The following GALNTL5 variants were observed in gnomAD, a reference collection of about 807,000 sequenced individuals.
GALNTL5 encodes polypeptide N-acetylgalactosaminyltransferase like 5.
GALNTL5 carries 44 observed loss-of-function variants against 51.0 expected under a neutral mutation model. The ratio of observed to expected loss-of-function variants is 0.86; its 90% CI spans 0.68 to 1.11. The LOEUF (loss-of-function observed/expected upper bound fraction) is 1.11, where lower values mean the gene tolerates loss of function less well. Ranked by LOEUF, GALNTL5 falls within the 50% of genes least tolerant of loss-of-function variation. GALNTL5 has a pLI of 0.00. For synonymous variants in GALNTL5, 192 were observed against 182.8 expected (o/e 1.05, Z -0.41); for missense variants, 528 against 531.8 (o/e 0.99, Z 0.07).
intron 3 of GALNTL5, among the ~76,000 whole-genome samples, chr7:151,981,309 C>T (rs1045542033): frequency 2.0e-5 from 3 of 152,270 alleles, no homozygotes; most frequent in Admixed American, 6.5e-5. Flanking sequence ...ATACTTACTG[C>T]GTGCCAGGCA....
At chr7:152,007,791 T>C in intron 6 of GALNTL5, 36 bp from the exon 7 acceptor site, 1 of 1,126,364 alleles carries the variant, frequency 8.9e-7, no homozygotes, top group Non-Finnish European at 1.4e-6. Flanking sequence ...TGACTTTCTC[T>C]GTGAAATTAA....
chr7:151,987,383 T>C lies in GALNTL5; in HGVS notation c.658+102T>C, dbSNP rs1291060536. ...GGAGACCTTCTATGTCTGTGTCTGCTTCATCAGAAGAGTGGAAATCTATTC... is the reference window on the plus strand; with the variant it reads ...GGAGACCTTCTATGTCTGTGTCTGCCTCATCAGAAGAGTGGAAATCTATTC... On this transcript the variant is annotated intron_variant, in intron 5 of 8. Transcript: ENST00000392800. 3 of 1,021,964 alleles carry C rather than the reference T, an allele frequency of 2.9e-6. No homozygotes were observed. In the East Asian group the frequency reaches 8.5e-5, roughly 29 times the overall value. The allele number at this position is 1,021,964 out of a possible 1,614,324, so 63.3% of individuals were successfully genotyped here. A position where few individuals can be genotyped will look rare whatever the true frequency, so the allele number is the denominator to read the frequency against.
intron 8 of GALNTL5, among the ~76,000 whole-genome samples, chr7:152,018,965 A>G (rs1378284773): frequency 6.6e-6 from 1 of 152,194 alleles, no homozygotes. Flanking sequence ...GTCTACTTAG[A>G]ATACCTTTTT....
chr7:152,019,671 G>C lies in GALNTL5; in HGVS notation c.1202G>C (p.Gly401Ala). The C allele has an allele frequency of 3.7e-6, 6 of 1,611,984 alleles. No individual in the cohort carries two copies. Among genetic ancestry groups the C allele is most frequent in the Non-Finnish European group, 5.1e-6 (6 of 1,178,924 alleles). ...GAGCAGTTTTTTCTTCGAAAGCCTG[G>C]TCTGAAATATGTCACCTACGGAAAT... is the stretch of plus-strand genomic sequence containing the variant. ...YKEQFFLRKPGLKYVTYGNIR... is the reference protein window; with the variant it reads ...YKEQFFLRKPALKYVTYGNIR... Residue 401 changes from glycine to alanine, a missense_variant, in exon 9 of 9, where the codon GGT becomes GCT. Physicochemically the swap from Gly to Ala is moderately conservative, Grantham distance 60. Coordinates refer to ENST00000392800, the MANE Select transcript of GALNTL5 (RefSeq NM_145292.4).
intron 4 of GALNTL5, among the ~76,000 whole-genome samples, chr7:151,984,539 T>G (rs1466413457): frequency 6.6e-6 from 1 of 152,168 alleles, no homozygotes; most frequent in Non-Finnish European, 1.5e-5. Flanking sequence ...GGCAGTTGTG[T>G]GGTGGAAATG....
intron 5 of GALNTL5, among the ~76,000 whole-genome samples, chr7:151,996,899 C>T (rs974637564): frequency 1.4e-4 from 21 of 151,704 alleles, no homozygotes; most frequent in African/African-American, 2.2e-4. Flanking sequence ...TAATGAGTTA[C>T]GTTTAAGGGT....
chr7:151,981,657 C>T, intron 3 of GALNTL5, among the ~76,000 whole-genome samples: 1 of 141,886 alleles, frequency 7.0e-6, no homozygotes, highest in Non-Finnish European at 1.5e-5. Flanking sequence ...TCTCTCCCTC[C>T]CTCCCTCCCC....
intron 6 of GALNTL5, among the ~76,000 whole-genome samples, chr7:152,007,412 T>TC (rs1174702747): frequency 2.1e-4 from 29 of 137,676 alleles, no homozygotes; most frequent in Admixed American, 6.6e-4. Flanking sequence ...TAATGTTTTC[T>TC]CTTTTTTTTT....
chr7:151,989,482 C>A (rs1342154073), intron 5 of GALNTL5, among the ~76,000 whole-genome samples: 2 of 152,148 alleles, frequency 1.3e-5, no homozygotes, highest in Non-Finnish European at 2.9e-5. Flanking sequence ...ATTTTCATAA[C>A]TTGTTTAGCC....
intron 7 of GALNTL5, among the ~76,000 whole-genome samples, chr7:152,013,217 G>A (rs142153032): frequency 0.016 from 2,416 of 152,078 alleles, 22 homozygotes; most frequent in Non-Finnish European, 0.025. Context: ...AGGAGGGTGA[G>A]GATAAAAAAC....
At chr7:151,994,342 G>C (rs1180372809) in intron 5 of GALNTL5, among the ~76,000 whole-genome samples, 1 of 152,066 alleles carries the variant, frequency 6.6e-6, no homozygotes, top group Non-Finnish European at 1.5e-5. Context: ...GATGCAAACT[G>C]TACCTACTGA....
chr7:151,971,091 T>C (rs748833187), intron 3 of GALNTL5, 26 bp downstream of exon 3: 17 of 1,405,586 alleles, frequency 1.2e-5, no homozygotes, highest in Non-Finnish European at 1.7e-5. Flanking sequence ...CTTTCTCTCA[T>C]TCTCTAGATA....
Position 151,956,629 on chromosome 7 carries a change from T to A in GALNTL5, c.-40+20T>A, listed in dbSNP as rs933767506. ...TCAAGGGTAGGTGAAGTGAGCCCCA[T>A]GTGCTAGAAGTGGGAACAAAGATGG... On this transcript the variant is annotated intron_variant, in intron 1 of 8. Transcript: ENST00000392800. The A allele has an allele frequency of 1.3e-5, 2 of 152,198 alleles. No homozygotes were observed. Among genetic ancestry groups the A allele is most frequent in the Non-Finnish European group, 2.9e-5 (2 of 68,042 alleles). 9.4% of individuals were successfully genotyped at this position (152,198 alleles called of 1,614,324 possible). A position where few individuals can be genotyped will look rare whatever the true frequency, so the allele number is the denominator to read the frequency against.
At chr7:151,987,409 C>T in intron 5 of GALNTL5, 128 bp downstream of exon 5, 3 of 779,224 alleles carry the variant, frequency 3.8e-6, no homozygotes, top group African/African-American at 3.6e-5. Flanking sequence ...AAATCTATTC[C>T]AGCCATATGA....
intron 8 of GALNTL5, among the ~76,000 whole-genome samples, chr7:152,017,313 T>C (rs950456934): frequency 1.3e-5 from 2 of 152,304 alleles, no homozygotes; most frequent in South Asian, 4.1e-4. Context: ...TGGTAAGTAT[T>C]TGTGTATCTA....
At chr7:152,004,602 C>A (rs1360548040) in intron 6 of GALNTL5, among the ~76,000 whole-genome samples, 1 of 152,116 alleles carries the variant, frequency 6.6e-6, no homozygotes, top group Non-Finnish European at 1.5e-5. Flanking sequence ...TCATCCATTG[C>A]CCTCCTGTCA....
intron 5 of GALNTL5, among the ~76,000 whole-genome samples, chr7:151,999,722 C>T (rs116255435): frequency 6.6e-5 from 10 of 152,168 alleles, no homozygotes; most frequent in East Asian, 1.9e-4. Context: ...AATAATGTTA[C>T]GTAATATTAT....
chr7:152,008,148 T>G (rs1331700726), intron 7 of GALNTL5, among the ~76,000 whole-genome samples: 1 of 151,970 alleles, frequency 6.6e-6, no homozygotes, highest in African/African-American at 2.4e-5. Flanking sequence ...GTGTGGTGGC[T>G]CATGCCTGTA....
At chr7:151,986,485 AT>A (rs1256216995) in intron 4 of GALNTL5, among the ~76,000 whole-genome samples, 1 of 152,036 alleles carries the variant, frequency 6.6e-6, no homozygotes, top group African/African-American at 2.4e-5. Flanking sequence ...ATATTTAAAA[AT>A]TAGCCAGGTG....
Sources: gnomAD v4.1 joint callset for allele counts (sites outside exome capture counted in the v4.1 genomes callset) on GRCh38, gnomAD v4.1.1 for gene constraint, MANE v1.5 for transcripts, NCBI Gene and HGNC (gene_info 2026-07-23, HGNC 2026-07-21) for gene names.